The following CDKL1 variants were observed in gnomAD, a reference collection of about 807,000 sequenced individuals.
CDKL1 encodes cyclin-dependent kinase-like 1.
Under a neutral mutation model 42.0 loss-of-function variants are expected in CDKL1, and 41 were observed. The ratio of observed to expected loss-of-function variants is 0.98; its 90% CI spans 0.76 to 1.27. The LOEUF (loss-of-function observed/expected upper bound fraction) is 1.27, where lower values mean the gene tolerates loss of function less well. Among genes scored for constraint, CDKL1 ranks in the 50% most tolerant of loss-of-function variants. The probability of loss-of-function intolerance (pLI) is 0.00; values close to 1 mark genes in which losing one functional copy is unlikely to be tolerated. For synonymous variants in CDKL1, 153 were observed against 158.6 expected, an observed-to-expected ratio of 0.96 and a Z score of 0.26; for missense variants, 394 against 428.4, an observed-to-expected ratio of 0.92 and a Z score of 0.71.
chr14:50,386,423 G>C (rs2035083324), intron 2 of CDKL1, among the ~76,000 whole-genome samples: 1 of 151,988 alleles, frequency 6.6e-6, no homozygotes, highest in Non-Finnish European at 1.5e-5. Context: ...AACAGAGTGA[G>C]ACTCTGTCGC....
In CDKL1 at chr14:50,368,557, C is replaced by A. The variant is rs78719194; in HGVS notation, c.169-9408G>T. On this transcript the variant is annotated intron_variant, in intron 2 of 9. Coordinates refer to ENST00000395834, the MANE Select transcript of CDKL1 (RefSeq NM_004196.7). ...GGGATTATGGGCGTGAGCCACTGTA[C>A]CCAGCCTTCTCTCTGTGTTTCAAAT... Among the ~76,000 whole-genome samples the A allele has an allele frequency of 8.1e-3, 1,239 of 152,264 alleles. 17 individuals are homozygous for A. The highest frequency in any genetic ancestry group is 0.028 in the African/African-American group (1,174 of 41,538).
chr14:50,342,987 C>T lies in CDKL1; in HGVS notation c.364-765G>A, dbSNP rs191157858. Reference sequence around the variant, plus strand: ...CTGCAGCCACCCCTCGAGATGCGGCCCCCCCTCCAGAATTTAGACTCAAAT... The same window carrying T: ...CTGCAGCCACCCCTCGAGATGCGGCTCCCCCTCCAGAATTTAGACTCAAAT... On this transcript the variant is annotated intron_variant, in intron 4 of 9. Transcript: ENST00000395834. 2,411 of 1,355,794 alleles carry T rather than the reference C, an allele frequency of 1.8e-3. 38 individuals carry two copies. In the Admixed American group the frequency reaches 0.024, roughly 14 times the overall value. The allele number at this position is 1,355,794 out of a possible 1,614,324, so 84.0% of individuals were successfully genotyped here.
At chr14:50,361,267 G>GA (rs2139456908) in intron 2 of CDKL1, among the ~76,000 whole-genome samples, 1 of 152,296 alleles carries the variant, frequency 6.6e-6, no homozygotes, top group East Asian at 1.9e-4. Context: ...TACTAAAGAA[G>GA]AAAGTTCTTT....
intron 2 of CDKL1, 62 bp downstream of exon 2, chr14:50,395,639 C>A: frequency 8.5e-7 from 1 of 1,179,840 alleles, no homozygotes; most frequent in East Asian, 2.3e-5. Flanking sequence ...TGCACTCCAG[C>A]CTGGGAGACA....
intron 3 of CDKL1, among the ~76,000 whole-genome samples, chr14:50,358,639 T>TTTTTTTTTTTG (rs2034137341): frequency 9.3e-6 from 1 of 107,604 alleles, no homozygotes; most frequent in African/African-American, 4.3e-5. Flanking sequence ...AACTAGTCTT[T>TTTTTTTTTTTG]TTTTTTTTTT....
chr14:50,348,834 A>T (rs2033811529), intron 3 of CDKL1, among the ~76,000 whole-genome samples: 1 of 152,194 alleles, frequency 6.6e-6, no homozygotes, highest in Non-Finnish European at 1.5e-5. Context: ...TGAAGAGAAC[A>T]TTTTTAAATA....
chr14:50,386,683 G>C (rs751387238), intron 2 of CDKL1, among the ~76,000 whole-genome samples: 2 of 152,076 alleles, frequency 1.3e-5, no homozygotes, highest in Non-Finnish European at 2.9e-5. Flanking sequence ...CCAGTACCTT[G>C]GGAGACCGAG....
intron 9 of CDKL1, 170 bp downstream of exon 9, chr14:50,332,092 G>A: frequency 1.3e-6 from 2 of 1,577,366 alleles, no homozygotes; most frequent in Non-Finnish European, 1.7e-6. Flanking sequence ...TTCAGGGAGA[G>A]GGGGCTTCAG....
intron 3 of CDKL1, among the ~76,000 whole-genome samples, chr14:50,349,152 G>T (rs548844712): frequency 2.0e-5 from 3 of 152,138 alleles, no homozygotes; most frequent in Non-Finnish European, 2.9e-5. Context: ...AAAGAAACAG[G>T]ACTTCACAAG....
chr14:50,362,505 A>G (rs1275715330), intron 2 of CDKL1: 2 of 187,092 alleles, frequency 1.1e-5, no homozygotes, highest in Non-Finnish European at 2.3e-5. Flanking sequence ...ACCAACTGGC[A>G]CTCTGTAACT....
At chr14:50,356,346 G>C (rs1595308639) in intron 3 of CDKL1, among the ~76,000 whole-genome samples, 1 of 152,200 alleles carries the variant, frequency 6.6e-6, no homozygotes, top group East Asian at 1.9e-4. Flanking sequence ...ATTTGCCCAA[G>C]GTCACACAGA....
At chr14:50,354,021 C>T (rs1273454724) in intron 3 of CDKL1, among the ~76,000 whole-genome samples, 2 of 149,190 alleles carry the variant, frequency 1.3e-5, no homozygotes, top group African/African-American at 5.0e-5. Flanking sequence ...GTGGCACTAT[C>T]TCAGCTTACT....
intron 2 of CDKL1, among the ~76,000 whole-genome samples, chr14:50,375,483 A>G (rs527511220): frequency 1.4e-4 from 21 of 152,354 alleles, no homozygotes; most frequent in Non-Finnish European, 2.8e-4. Context: ...ATGGCAGAAG[A>G]AAAGTCACTT....
intron 2 of CDKL1, among the ~76,000 whole-genome samples, chr14:50,373,243 C>G (rs1244418233): frequency 6.6e-6 from 1 of 152,014 alleles, no homozygotes; most frequent in African/African-American, 2.4e-5. Flanking sequence ...GGTTATATTC[C>G]TAATATTACA....
At chr14:50,335,511 T>C in intron 7 of CDKL1, 2 of 1,536,092 alleles carry the variant, frequency 1.3e-6, no homozygotes, top group Non-Finnish European at 8.7e-7. Flanking sequence ...CTTTTGGCCG[T>C]ATAAGGCGAT....
intron 8 of CDKL1, chr14:50,332,932 C>A (rs556218464): frequency 3.0e-4 from 102 of 338,820 alleles, no homozygotes; most frequent in African/African-American, 2.3e-3. Flanking sequence ...TTGGTGTATC[C>A]CTCCAGAAAT....
chr14:50,396,443 G>C, intron 1 of CDKL1, 114 bp from the exon 2 acceptor site: 1 of 985,328 alleles, frequency 1.0e-6, no homozygotes. Context: ...GATTTTAATC[G>C]CCCGTTAAAT....
rs11570859 is a variant in CDKL1 at position 50,334,437 on chromosome 14, C to T, written c.795+128G>A. 1,442 of 700,770 alleles carry T rather than the reference C, an allele frequency of 2.1e-3. 18 individuals carry two copies. The African/African-American group carries it at 0.021, about 10-fold the overall frequency. The allele number at this position is 700,770 out of a possible 1,614,324, so 43.4% of individuals were successfully genotyped here. On this transcript the variant is annotated intron_variant, in intron 8 of 9. Transcript: ENST00000395834. ...GTGCTAGGATTACAGGTGTGAGCCA[C>T]TGCCCAGCCAGGAGAAGAATTCTAA... is the stretch of plus-strand genomic sequence containing the variant.
chr14:50,348,078 C>T (rs1390915895), intron 3 of CDKL1, among the ~76,000 whole-genome samples: 1 of 152,154 alleles, frequency 6.6e-6, no homozygotes, highest in Non-Finnish European at 1.5e-5. Flanking sequence ...TCAGAGAGGA[C>T]AGGAGAAGAG....
Sources: gnomAD v4.1 joint callset for allele counts (sites outside exome capture counted in the v4.1 genomes callset) on GRCh38, gnomAD v4.1.1 for gene constraint, MANE v1.5 for transcripts, NCBI Gene and HGNC (gene_info 2026-07-23, HGNC 2026-07-21) for gene names.